Variants in MGMT observed in about 807,000 individuals in gnomAD.
MGMT encodes the protein methylated-DNA--protein-cysteine methyltransferase.
A neutral mutation model predicts 15.9 loss-of-function variants in MGMT; 14 were observed. That is an observed-to-expected ratio of 0.88 (90% CI 0.58 to 1.37). The LOEUF is 1.37. Ranked by LOEUF, MGMT falls within the 40% of genes most tolerant of loss-of-function variation. The pLI is 0.00. For synonymous variants in MGMT, 130 were observed against 118.2 expected (o/e 1.10, Z -0.65); for missense variants, 282 against 268.1 (o/e 1.05, Z -0.36).
chr10:129,659,689 C>T lies in MGMT; in HGVS notation c.126-48206C>T, dbSNP rs954685085. 2.0e-5 allele frequency among the ~76,000 whole-genome samples: 3 copies of T among 152,166 alleles called. No homozygotes were observed. Among genetic ancestry groups the T allele is most frequent in the African/African-American group, 7.2e-5 (3 of 41,442 alleles). ...AAGAGCAGTTTAGCCCGAAAATATT[C>T]CATGAGTAGCTGCCAGGAGAGCTTT... is the stretch of plus-strand genomic sequence containing the variant. On this transcript the variant is annotated intron_variant, in intron 2 of 4. Coordinates refer to ENST00000651593, the MANE Select transcript of MGMT (RefSeq NM_002412.5). The surrounding 1 kb of genome is among the most constrained non-coding windows in gnomAD (Gnocchi z 4.1).
intron 2 of MGMT, among the ~76,000 whole-genome samples, chr10:129,691,218 C>T (rs1056730225): frequency 6.6e-6 from 1 of 152,210 alleles, no homozygotes; most frequent in Non-Finnish European, 1.5e-5. Context: ...TAGGCAGCTG[C>T]ATGGGGCAGG....
At chr10:129,513,664 A>T (rs1845708084) in intron 1 of MGMT, among the ~76,000 whole-genome samples, 1 of 152,220 alleles carries the variant, frequency 6.6e-6, no homozygotes. Context: ...GGTGTTCAGC[A>T]TCGGAAAACA....
chr10:129,599,986 G>C (rs1376630496), intron 2 of MGMT, among the ~76,000 whole-genome samples: 1 of 152,018 alleles, frequency 6.6e-6, no homozygotes, highest in African/African-American at 2.4e-5. Context: ...AGGTAGGTAG[G>C]TAGGTAGGTA....
intron 1 of MGMT, among the ~76,000 whole-genome samples, chr10:129,484,832 C>A (rs1021923751): frequency 6.6e-6 from 1 of 151,976 alleles, no homozygotes; most frequent in Non-Finnish European, 1.5e-5. Flanking sequence ...CAGGTCCAGA[C>A]CAGGTTTTAG....
intron 2 of MGMT, among the ~76,000 whole-genome samples, chr10:129,657,729 C>CACACACACA (rs1564750921): frequency 0.038 from 4,666 of 122,172 alleles, 254 homozygotes; most frequent in East Asian, 0.069. Context: ...ACACACACAC[C>CACACACACA]CCCTCTCCCC....
chr10:129,581,765 G>C (rs1426754183), intron 2 of MGMT, among the ~76,000 whole-genome samples: 1 of 152,250 alleles, frequency 6.6e-6, no homozygotes, highest in Non-Finnish European at 1.5e-5. Flanking sequence ...GCTCAAGTGT[G>C]AGTTAGGTGT....
chr10:129,523,527 G>T (rs11813530), intron 1 of MGMT, among the ~76,000 whole-genome samples: 1 of 152,098 alleles, frequency 6.6e-6, no homozygotes, highest in Admixed American at 6.5e-5. Flanking sequence ...TCATAGGCGG[G>T]TCTCGAAGCC....
chr10:129,639,245 A>ATGATG (rs1372613457), intron 2 of MGMT, among the ~76,000 whole-genome samples: 2 of 152,176 alleles, frequency 1.3e-5, no homozygotes, highest in African/African-American at 4.8e-5. Context: ...TTAGCATTAG[A>ATGATG]TGATGTATAT....
chr10:129,654,956 T>C (rs759831219), intron 2 of MGMT, among the ~76,000 whole-genome samples: 1 of 152,178 alleles, frequency 6.6e-6, no homozygotes, highest in African/African-American at 2.4e-5. Context: ...AAATCACTTA[T>C]AATGGTCTTT....
intron 2 of MGMT, among the ~76,000 whole-genome samples, chr10:129,688,228 A>G (rs1401565057): frequency 6.6e-6 from 1 of 152,204 alleles, no homozygotes; most frequent in Non-Finnish European, 1.5e-5. Context: ...GCTGGGCCAA[A>G]TGGTATTTCT....
chr10:129,575,676 A>G (rs1264715670), intron 2 of MGMT, among the ~76,000 whole-genome samples: 1 of 150,322 alleles, frequency 6.7e-6, no homozygotes, highest in African/African-American at 2.4e-5. Flanking sequence ...GCAAGAAATA[A>G]CTAAGATCAG....
intron 2 of MGMT, among the ~76,000 whole-genome samples, chr10:129,549,658 C>T (rs904157374): frequency 6.6e-6 from 1 of 152,118 alleles, no homozygotes; most frequent in Non-Finnish European, 1.5e-5. Flanking sequence ...TCTGTGTTTG[C>T]AAGCTGGAAC....
chr10:129,733,769 T>G (rs1036028439), intron 3 of MGMT, among the ~76,000 whole-genome samples: 1 of 152,228 alleles, frequency 6.6e-6, no homozygotes, highest in African/African-American at 2.4e-5. Flanking sequence ...GTTTCAACTT[T>G]CTACATATGG....
chr10:129,622,233 C>T (rs913744003), intron 2 of MGMT, among the ~76,000 whole-genome samples: 1 of 152,176 alleles, frequency 6.6e-6, no homozygotes. Flanking sequence ...AGTATGTTGC[C>T]CTTACTCTGA....
In MGMT at chr10:129,581,187, A is replaced by T. The variant is rs145539542; in HGVS notation, c.125+44810A>T. 9.0e-3 allele frequency among the ~76,000 whole-genome samples: 1,364 copies of T among 152,214 alleles called. 33 individuals carry two copies. The highest frequency in any genetic ancestry group is 8.4e-3 in the Non-Finnish European group (572 of 68,028). Reference sequence around the variant, plus strand: ...GTTTGCCGTGACCTGTCGCGGGCTGAGCTTTTTGGTAGCCTGGCATTGTGG... The same window carrying T: ...GTTTGCCGTGACCTGTCGCGGGCTGTGCTTTTTGGTAGCCTGGCATTGTGG... On this transcript the variant is annotated intron_variant, in intron 2 of 4. Coordinates refer to ENST00000651593, the MANE Select transcript of MGMT (RefSeq NM_002412.5).
chr10:129,576,827 CT>C lies in MGMT; in HGVS notation c.125+40452del, dbSNP rs1300891794. On this transcript the variant is annotated intron_variant, in intron 2 of 4. Coordinates refer to ENST00000651593, the MANE Select transcript of MGMT (RefSeq NM_002412.5). The stretch of plus-strand genomic sequence containing the variant: ...AAAATCTCCTTAAGCTGATAAGCAA[CT>C]TCAGCAAAGTCTCAGGATACAAAAT... Among the ~76,000 whole-genome samples the C allele has an allele frequency of 3.9e-5, 6 of 152,220 alleles. No homozygotes were observed. The South Asian group carries it at 6.2e-4, about 16-fold the overall frequency.
chr10:129,477,156 C>T (rs1845304915), intron 1 of MGMT, among the ~76,000 whole-genome samples: 1 of 152,164 alleles, frequency 6.6e-6, no homozygotes, highest in Non-Finnish European at 1.5e-5. Flanking sequence ...CTCTTCTGAC[C>T]CGATCCCCAC....
intron 2 of MGMT, among the ~76,000 whole-genome samples, chr10:129,571,924 C>T (rs924572348): frequency 1.3e-5 from 2 of 152,142 alleles, no homozygotes; most frequent in Non-Finnish European, 2.9e-5. Context: ...CAGCGGGCTC[C>T]CTGTTTTGGA....
intron 2 of MGMT, among the ~76,000 whole-genome samples, chr10:129,636,106 T>A (rs1847261814): frequency 1.3e-5 from 2 of 152,234 alleles, no homozygotes; most frequent in South Asian, 4.1e-4. Flanking sequence ...TATAAGGTGC[T>A]TACTCAGAAA....
Sources: allele counts gnomAD v4.1 joint callset (sites outside exome capture counted in the v4.1 genomes callset), GRCh38; gene constraint gnomAD v4.1.1; non-coding constraint Gnocchi (gnomAD v3.1); transcripts MANE v1.5; gene names NCBI Gene and HGNC (gene_info 2026-07-23, HGNC 2026-07-21).